The following OCM variants were observed in gnomAD, a reference collection of about 807,000 sequenced individuals.
The protein encoded by OCM is oncomodulin, also known as oncomodulin-1.
Under a neutral mutation model 14.1 loss-of-function variants are expected in OCM, and 18 were observed. The observed-to-expected ratio is 1.28, with a 90% CI of 0.88 to 1.89. The LOEUF (loss-of-function observed/expected upper bound fraction) is 1.89. Ranked by LOEUF, OCM falls within the 40% of genes most tolerant of loss-of-function variation. The pLI, the probability that OCM is intolerant of heterozygous loss-of-function variation, is 0.00. For synonymous variants in OCM, 48 were observed against 51.0 expected (o/e 0.94, Z 0.25); for missense variants, 140 against 137.6 (o/e 1.02, Z -0.09).
chr7:5,860,513 CGT>C, the OCM span, among the ~76,000 whole-genome samples: 1 of 121,772 alleles, frequency 8.2e-6, no homozygotes, highest in Non-Finnish European at 1.7e-5. Context: ...CGTATATATA[CGT>C]GTATATATAC....
At chr7:5,879,929 C>T (rs1026746865), upstream of OCM, 1 of 152,040 alleles carries the variant, frequency 6.6e-6, no homozygotes, top group African/African-American at 2.4e-5. Flanking sequence ...AACTCTTTTT[C>T]CTGATTCTTC....
the OCM span, among the ~76,000 whole-genome samples, chr7:5,870,893 C>T: frequency 6.7e-6 from 1 of 148,892 alleles, no homozygotes; most frequent in Admixed American, 6.7e-5. Context: ...TGATGAGTAT[C>T]TTTTTTTTTT....
chr7:5,882,970 G>A (rs1470607259), intron 2 of OCM, among the ~76,000 whole-genome samples: 1 of 151,162 alleles, frequency 6.6e-6, no homozygotes, highest in African/African-American at 2.4e-5. Context: ...AGTCTCCCAA[G>A]TGGCTGGGAT....
In OCM at chr7:5,883,899, C is replaced by T. The variant is rs372682145; in HGVS notation, c.204C>T (p.Leu68=). The change falls in exon 3 of 4, where the codon CTC becomes CTT. Residue 68 remains leucine (L), a synonymous_variant. Transcript: ENST00000242104. ...CTTTATTATCCTGTAGGTTTTTCCT[C>T]CAGAAGTTTGAGAGTGGTGCCAGAG... ...YLDEEELKFF[L]QKFESGAREL... is the part of the protein sequence containing the mutation. 20 of 1,611,962 alleles carry T rather than the reference C, an allele frequency of 1.2e-5. No homozygotes were observed. Among genetic ancestry groups the T allele is most frequent in the Admixed American group, 1.7e-5 (1 of 59,752 alleles).
chr7:5,867,320 A>T, the OCM span, among the ~76,000 whole-genome samples: 1 of 152,268 alleles, frequency 6.6e-6, no homozygotes, highest in East Asian at 1.9e-4. Context: ...TCAAAAAAAA[A>T]GAAGAGAAGT....
At chr7:5,876,163 G>A (rs777879730), upstream of OCM, among the ~76,000 whole-genome samples, 2 of 152,108 alleles carry the variant, frequency 1.3e-5, no homozygotes, top group South Asian at 2.1e-4. Context: ...GCACCACCAC[G>A]CCGGGTTAAT....
chr7:5,879,503 A>G (rs1781164957), upstream of OCM, among the ~76,000 whole-genome samples: 3 of 152,166 alleles, frequency 2.0e-5, no homozygotes, highest in South Asian at 6.2e-4. Flanking sequence ...CAAAGCTGAA[A>G]ACAGGCCTGC....
At chr7:5,864,893 G>A in the OCM span, among the ~76,000 whole-genome samples, 11 of 151,802 alleles carry the variant, frequency 7.2e-5, no homozygotes, top group Middle Eastern at 0.01. Flanking sequence ...AGCCGACATC[G>A]CACCATTACA....
chr7:5,863,128 T>C, the OCM span, among the ~76,000 whole-genome samples: 1 of 152,126 alleles, frequency 6.6e-6, no homozygotes, highest in Non-Finnish European at 1.5e-5. Context: ...ACATGTAAAA[T>C]GTAGATTTAT....
At position 5,880,933 on chromosome 7, in the gene OCM, C is replaced by T. The variant is rs747075083; in HGVS notation, c.44C>T (p.Ala15Val). 29 of 1,613,578 alleles carry T rather than the reference C, an allele frequency of 1.8e-5. No individual in the cohort carries two copies. The highest frequency in any genetic ancestry group is 1.6e-4 in the Middle Eastern group (1 of 6,082). The part of the protein sequence containing the change: ...DVLSADDIAA[A>V]LQECRDPDTF... ...CTCAGTGCTGACGACATTGCAGCAGCGCTCCAGGAATGCCGAGGTAGAGGG... is the reference window on the plus strand; with the variant it reads ...CTCAGTGCTGACGACATTGCAGCAGTGCTCCAGGAATGCCGAGGTAGAGGG... Residue 15 changes from alanine to valine, a missense_variant, in exon 1 of 4, where the codon GCG becomes GTG. Physicochemically the swap from Ala to Val is moderately conservative, Grantham distance 64 (BLOSUM62 0). Transcript: ENST00000242104.
At chr7:5,864,644 G>A in the OCM span, among the ~76,000 whole-genome samples, 2 of 152,030 alleles carry the variant, frequency 1.3e-5, no homozygotes, top group Non-Finnish European at 2.9e-5. Context: ...AGCCTTTTGG[G>A]CAAAGTTCTC....
At chr7:5,861,100 A>T in the OCM span, among the ~76,000 whole-genome samples, 1 of 151,864 alleles carries the variant, frequency 6.6e-6, no homozygotes, top group Non-Finnish European at 1.5e-5. Context: ...TTTTAGCAGG[A>T]TGGGAGGGAG....
chr7:5,868,687 G>T, the OCM span, among the ~76,000 whole-genome samples: 1 of 152,136 alleles, frequency 6.6e-6, no homozygotes, highest in Non-Finnish European at 1.5e-5. Context: ...TCCTTTGAGG[G>T]TCAGTTAGAA....
the OCM span, among the ~76,000 whole-genome samples, chr7:5,870,892 T>C: frequency 9.0e-6 from 1 of 111,318 alleles, no homozygotes; most frequent in South Asian, 2.7e-4. Context: ...TTGATGAGTA[T>C]CTTTTTTTTT....
chr7:5,882,921 C>A (rs1408757773), intron 2 of OCM, among the ~76,000 whole-genome samples: 1 of 150,326 alleles, frequency 6.7e-6, no homozygotes, highest in Non-Finnish European at 1.5e-5. Context: ...CAGCTCCCTG[C>A]AGCCTCCGCC....
At chr7:5,867,762 T>TG in the OCM span, among the ~76,000 whole-genome samples, 1 of 151,554 alleles carries the variant, frequency 6.6e-6, no homozygotes, top group East Asian at 1.9e-4. Context: ...GGTTCTGTTT[T>TG]GGGGGGTTGT....
the OCM span, among the ~76,000 whole-genome samples, chr7:5,860,303 C>T: frequency 6.7e-5 from 10 of 149,774 alleles, no homozygotes; most frequent in Non-Finnish European, 1.5e-5. Context: ...TCTGCTATAG[C>T]ATTTCACACA....
chr7:5,875,159 A>G (rs1781070886), upstream of OCM, among the ~76,000 whole-genome samples: 2 of 151,570 alleles, frequency 1.3e-5, no homozygotes, highest in African/African-American at 2.4e-5. Context: ...GGTTCAAGCA[A>G]TTCTCCTGCC....
chr7:5,876,645 A>T (rs1431974306), upstream of OCM, among the ~76,000 whole-genome samples: 6 of 152,202 alleles, frequency 3.9e-5, no homozygotes, highest in Non-Finnish European at 5.9e-5. Flanking sequence ...TGGTCATTTA[A>T]GAGAGGCTGC....
Sources: gnomAD v4.1 joint callset for allele counts (sites outside exome capture counted in the v4.1 genomes callset) on GRCh38, gnomAD v4.1.1 for gene constraint, MANE v1.5 for transcripts, NCBI Gene and HGNC (gene_info 2026-07-23, HGNC 2026-07-21) for gene names.